Variants in PTPRR observed in about 807,000 individuals in gnomAD.
The protein encoded by PTPRR is protein tyrosine phosphatase receptor type R, also known as receptor-type tyrosine-protein phosphatase R.
Under a neutral mutation model 77.2 loss-of-function variants are expected in PTPRR, and 38 were observed. The ratio of observed to expected loss-of-function variants is 0.49; its 90% CI spans 0.38 to 0.65. The LOEUF (loss-of-function observed/expected upper bound fraction) is 0.65, where lower values mean the gene tolerates loss of function less well. Ranked by LOEUF, PTPRR falls within the 30% of genes least tolerant of loss-of-function variation. The pLI, the probability that PTPRR is intolerant of heterozygous loss-of-function variation, is 0.00. For missense variants in PTPRR, 744 were observed against 799.2 expected, an observed-to-expected ratio of 0.93 and a Z score of 0.83; for synonymous variants, 299 against 283.1, an observed-to-expected ratio of 1.06 and a Z score of -0.57.
At chr12:70,648,414 C>A (rs1426579967) in intron 13 of PTPRR, among the ~76,000 whole-genome samples, 1 of 152,162 alleles carries the variant, frequency 6.6e-6, no homozygotes, top group South Asian at 2.1e-4. Flanking sequence ...CATGGAAAAG[C>A]ATCTTGTTAG....
At chr12:70,825,053 A>AG (rs1210377848) in intron 2 of PTPRR, among the ~76,000 whole-genome samples, 4 of 152,176 alleles carry the variant, frequency 2.6e-5, no homozygotes, top group African/African-American at 7.2e-5. Context: ...GGGAGGCTGA[A>AG]GGGGGTGGAT....
At chr12:70,672,903 C>A (rs754079816) in intron 10 of PTPRR, 8 of 1,542,474 alleles carry the variant, frequency 5.2e-6, no homozygotes, top group Non-Finnish European at 7.0e-6. Flanking sequence ...GGGGCATCTG[C>A]TCCCACTCAG....
At chr12:70,678,273 TC>T (rs1475818184) in intron 10 of PTPRR, among the ~76,000 whole-genome samples, 2 of 152,182 alleles carry the variant, frequency 1.3e-5, no homozygotes, top group Non-Finnish European at 2.9e-5. Context: ...ACTCCCAACC[TC>T]AGGTGATCTG....
chr12:70,766,459 A>G (rs1353699470), intron 2 of PTPRR, among the ~76,000 whole-genome samples: 1 of 152,200 alleles, frequency 6.6e-6, no homozygotes, highest in African/African-American at 2.4e-5. Context: ...AGGGAAGTTT[A>G]GAGAAAAAAG....
rs1302528101 is a variant in PTPRR at position 70,701,446 on chromosome 12, TTC to T, written c.1008-125_1008-124del. Reference sequence around the variant, plus strand: ...TACAGAAATAACAACCAACTATATTTTCTCTTTTAGTATCATGGTTGGCCATA... The same window carrying T: ...TACAGAAATAACAACCAACTATATTTTCTTTTAGTATCATGGTTGGCCATA... On this transcript the variant is annotated intron_variant, in intron 6 of 13. Transcript: ENST00000283228. 4.7e-6 allele frequency: 4 copies of T among 843,838 alleles called. No homozygotes were observed. The East Asian group carries it at 1.1e-4, about 23-fold the overall frequency. 52.3% of individuals were successfully genotyped at this position (843,838 alleles called of 1,614,324 possible). A position where few individuals can be genotyped will look rare whatever the true frequency, so the allele number is the denominator to read the frequency against.
intron 2 of PTPRR, among the ~76,000 whole-genome samples, chr12:70,829,101 C>T (rs1345916177): frequency 6.6e-6 from 1 of 151,970 alleles, no homozygotes; most frequent in Non-Finnish European, 1.5e-5. Flanking sequence ...ACATCAGTTC[C>T]CCTCAGACAG....
At chr12:70,850,784 G>A (rs1357584978) in intron 2 of PTPRR, among the ~76,000 whole-genome samples, 1 of 152,156 alleles carries the variant, frequency 6.6e-6, no homozygotes, top group Non-Finnish European at 1.5e-5. Flanking sequence ...GCAGAAAACA[G>A]AAGCATTTTG....
At chr12:70,694,547 C>T (rs756799965) in intron 8 of PTPRR, among the ~76,000 whole-genome samples, 6 of 152,088 alleles carry the variant, frequency 3.9e-5, no homozygotes, top group Non-Finnish European at 8.8e-5. Flanking sequence ...CAAATTAACA[C>T]AGGAACAGAA....
In PTPRR at chr12:70,682,653, C is replaced by G. The variant is rs530489024; in HGVS notation, c.1497+1474G>C. 2.6e-5 allele frequency among the ~76,000 whole-genome samples: 4 copies of G among 152,072 alleles called. No homozygotes were observed. In the South Asian group the frequency reaches 6.2e-4, roughly 24 times the overall value. On this transcript the variant is annotated intron_variant, in intron 10 of 13. Coordinates refer to ENST00000283228, the MANE Select transcript of PTPRR (RefSeq NM_002849.4). Reference sequence around the variant, plus strand: ...TACATAAGTTCTATGTAGGAATGCACAAATGTACACATACAGAGAATACAC... The same window carrying G: ...TACATAAGTTCTATGTAGGAATGCAGAAATGTACACATACAGAGAATACAC...
chr12:70,858,242 C>G (rs995626628), intron 2 of PTPRR, among the ~76,000 whole-genome samples: 3 of 152,020 alleles, frequency 2.0e-5, no homozygotes, highest in African/African-American at 7.3e-5. Flanking sequence ...TCCAATGACT[C>G]TTCCCACCTA....
intron 10 of PTPRR, among the ~76,000 whole-genome samples, chr12:70,682,883 A>G (rs1006394987): frequency 6.6e-6 from 1 of 151,870 alleles, no homozygotes; most frequent in Admixed American, 6.6e-5. Context: ...CATGTAGTGA[A>G]TTGAGTATAT....
intron 2 of PTPRR, among the ~76,000 whole-genome samples, chr12:70,849,680 T>C (rs1239082451): frequency 6.6e-6 from 1 of 152,240 alleles, no homozygotes; most frequent in Non-Finnish European, 1.5e-5. Context: ...AAATATGTGG[T>C]TGACAATGGG....
intron 13 of PTPRR, among the ~76,000 whole-genome samples, chr12:70,642,519 T>C (rs886929867): frequency 7.9e-5 from 12 of 152,198 alleles, no homozygotes; most frequent in African/African-American, 2.9e-4. Context: ...GGGTCTTTAA[T>C]ATGAGTAAGT....
At chr12:70,804,097 T>A (rs1044106010) in intron 2 of PTPRR, among the ~76,000 whole-genome samples, 10 of 150,740 alleles carry the variant, frequency 6.6e-5, no homozygotes, top group African/African-American at 2.2e-4. Flanking sequence ...CTTCTTAAAT[T>A]TTTTGCCCTC....
intron 10 of PTPRR, among the ~76,000 whole-genome samples, chr12:70,682,720 GC>G (rs1212620475): frequency 6.6e-6 from 1 of 152,056 alleles, no homozygotes; most frequent in African/African-American, 2.4e-5. Context: ...AAAATGTCAT[GC>G]ATATTAAACA....
chr12:70,821,212 G>GTTTTTTTTTT (rs1252907478), intron 2 of PTPRR, among the ~76,000 whole-genome samples: 1 of 44,552 alleles, frequency 2.2e-5, no homozygotes, highest in African/African-American at 5.6e-5. Context: ...AGGGATCACT[G>GTTTTTTTTTT]CTTTTTTTTT....
At chr12:70,720,436 A>G (rs1036563496) in intron 6 of PTPRR, among the ~76,000 whole-genome samples, 4 of 152,048 alleles carry the variant, frequency 2.6e-5, no homozygotes, top group African/African-American at 9.7e-5. Context: ...AATGTTAGGT[A>G]TAGGCATAGA....
At chr12:70,666,935 G>GCT (rs1887021966) in intron 10 of PTPRR, among the ~76,000 whole-genome samples, 1 of 29,050 alleles carries the variant, frequency 3.4e-5, no homozygotes, top group Admixed American at 3.7e-4. Context: ...GTGTTTTTCT[G>GCT]TTTTTTTTTT....
At chr12:70,786,999 TAAC>T (rs1891336805) in intron 2 of PTPRR, among the ~76,000 whole-genome samples, 1 of 152,138 alleles carries the variant, frequency 6.6e-6, no homozygotes, top group Admixed American at 6.5e-5. Flanking sequence ...TATGGAAAAA[TAAC>T]AATAAGCATA....
Sources: gnomAD v4.1 joint callset for allele counts (sites outside exome capture counted in the v4.1 genomes callset) on GRCh38, gnomAD v4.1.1 for gene constraint, MANE v1.5 for transcripts, NCBI Gene and HGNC (gene_info 2026-07-23, HGNC 2026-07-21) for gene names.